The following TRMT11 variants were observed in gnomAD, a reference collection of about 807,000 sequenced individuals.
TRMT11 encodes tRNA (guanine(10)-N(2))-methyltransferase TRMT11.
TRMT11 carries 53 observed loss-of-function variants against 62.8 expected under a neutral mutation model. The ratio of observed to expected loss-of-function variants is 0.84; its 90% CI spans 0.68 to 1.06. The LOEUF is 1.06. Among genes scored for constraint, TRMT11 ranks in the 50% least tolerant of loss-of-function variants. The pLI is 0.00. For missense variants in TRMT11, 556 were observed against 553.4 expected (o/e 1.00, Z -0.05); for synonymous variants, 188 against 190.3 (o/e 0.99, Z 0.10).
intron 1 of TRMT11, among the ~76,000 whole-genome samples, chr6:126,197,062 C>A (rs1778675298): frequency 6.6e-6 from 1 of 152,160 alleles, no homozygotes; most frequent in African/African-American, 2.4e-5. Flanking sequence ...CTAAAGCATT[C>A]ATCTATCATC....
intron 21 of TRMT11, among the ~76,000 whole-genome samples, chr6:126,147,853 A>T (rs1777991297): frequency 6.6e-6 from 1 of 152,046 alleles, no homozygotes; most frequent in Non-Finnish European, 1.5e-5. Flanking sequence ...CAATGAGAAC[A>T]CATGGACACA....
chr6:126,171,153 T>G (rs143929379), intron 21 of TRMT11, among the ~76,000 whole-genome samples: 63 of 152,292 alleles, frequency 4.1e-4, no homozygotes, highest in Middle Eastern at 3.4e-3. Context: ...CCACCAGAAT[T>G]TATTCTGGGG....
downstream of TRMT11, among the ~76,000 whole-genome samples, chr6:126,202,861 T>C (rs1182946189): frequency 6.6e-6 from 1 of 152,214 alleles, no homozygotes; most frequent in Admixed American, 6.5e-5. Context: ...AAATTTAAAC[T>C]GTTCTCTGAC....
the TRMT11 span, among the ~76,000 whole-genome samples, chr6:126,254,107 T>TA: frequency 6.6e-6 from 1 of 152,216 alleles, no homozygotes; most frequent in Non-Finnish European, 1.5e-5. Flanking sequence ...TTACCACTGA[T>TA]ATCAGGGAAG....
chr6:126,185,918 G>A lies in TRMT11; in HGVS notation n.143+8583G>A, dbSNP rs574428943. ...GAACTCACTTACTAACATGAGAACAGCATGGGGAAACTGCCCCTATGATCC... is the reference window on the plus strand; with the variant it reads ...GAACTCACTTACTAACATGAGAACAACATGGGGAAACTGCCCCTATGATCC... On this transcript the variant is annotated intron_variant and non_coding_transcript_variant, in intron 1 of 3. Transcript: ENST00000444229. 2.1e-4 allele frequency among the ~76,000 whole-genome samples: 32 copies of A among 152,240 alleles called. No homozygotes were observed. The South Asian group carries it at 5.8e-3, about 28-fold the overall frequency.
chr6:126,071,344 C>T (rs1776848032), intron 17 of TRMT11, among the ~76,000 whole-genome samples: 1 of 151,628 alleles, frequency 6.6e-6, no homozygotes, highest in Non-Finnish European at 1.5e-5. Context: ...CATGTCCTGG[C>T]TTGAATTCTT....
At chr6:126,015,206 G>A (rs1794813247) in intron 11 of TRMT11, among the ~76,000 whole-genome samples, 2 of 151,672 alleles carry the variant, frequency 1.3e-5, no homozygotes, top group South Asian at 2.1e-4. Context: ...ACCTCCCCCC[G>A]ACTCCTGCAC....
intron 21 of TRMT11, among the ~76,000 whole-genome samples, chr6:126,151,850 CTTTCTTTCTTTCT>C (rs1165243669): frequency 1.5e-5 from 2 of 129,408 alleles, no homozygotes; most frequent in East Asian, 4.4e-4. Flanking sequence ...TTCTTTCTTT[CTTTCTTTCTTTCT>C]TTCCTTCTTT....
At chr6:126,182,615 G>A (rs1778480262) in intron 1 of TRMT11, among the ~76,000 whole-genome samples, 1 of 151,912 alleles carries the variant, frequency 6.6e-6, no homozygotes, top group Admixed American at 6.6e-5. Flanking sequence ...CCCTTTTCCA[G>A]GTGTTTAAGC....
chr6:126,179,979 GAA>G (rs1448768286), intron 1 of TRMT11, among the ~76,000 whole-genome samples: 7 of 151,772 alleles, frequency 4.6e-5, no homozygotes, highest in Admixed American at 2.0e-4. Context: ...TTCTATATAA[GAA>G]AGGAGAAAAA....
intron 17 of TRMT11, among the ~76,000 whole-genome samples, chr6:126,071,406 G>A (rs778626072): frequency 2.0e-5 from 3 of 149,856 alleles, no homozygotes; most frequent in Non-Finnish European, 4.4e-5. Context: ...GACATTTTTA[G>A]TAGATCTCCT....
chr6:126,127,393 G>A (rs966540006), intron 21 of TRMT11, among the ~76,000 whole-genome samples: 2 of 152,056 alleles, frequency 1.3e-5, no homozygotes, highest in African/African-American at 4.8e-5. Context: ...AAGGATTGAA[G>A]TTGACTCAAT....
At chr6:126,268,087 A>G in the TRMT11 span, among the ~76,000 whole-genome samples, 2 of 152,158 alleles carry the variant, frequency 1.3e-5, no homozygotes, top group African/African-American at 4.8e-5. Flanking sequence ...TTAGGTGTAA[A>G]TTATTTCAAG....
the TRMT11 span, among the ~76,000 whole-genome samples, chr6:126,242,070 A>C: frequency 3.3e-5 from 5 of 150,436 alleles, no homozygotes; most frequent in Admixed American, 3.3e-4. Flanking sequence ...TAAGTTGATA[A>C]GCAACTTCAG....
the TRMT11 span, among the ~76,000 whole-genome samples, chr6:126,225,234 C>G: frequency 6.6e-6 from 1 of 152,174 alleles, no homozygotes; most frequent in African/African-American, 2.4e-5. Flanking sequence ...CTTAACAATT[C>G]TCCAAGCAGC....
intron 17 of TRMT11, among the ~76,000 whole-genome samples, chr6:126,070,553 G>C (rs1277283851): frequency 6.6e-6 from 1 of 152,130 alleles, no homozygotes; most frequent in Non-Finnish European, 1.5e-5. Flanking sequence ...CCCGTTAGTG[G>C]GAGGGTTTTG....
In TRMT11 at chr6:126,092,155, C is replaced by T. The variant is rs182773992; in HGVS notation, c.*1438-20711C>T. On this transcript the variant is annotated intron_variant and NMD_transcript_variant, in intron 17 of 22. Coordinates refer to the TRMT11 transcript ENST00000648977. ...TAACTTCATTTGGTGTGTTTAATTA[C>T]GATGACTTATAGTGGTTGAATTCTC... Among the ~76,000 whole-genome samples, 20 of 152,242 alleles carry T rather than the reference C, an allele frequency of 1.3e-4. No individual in the cohort carries two copies. In the East Asian group the frequency reaches 2.3e-3, roughly 18 times the overall value.
At chr6:126,035,022 A>G (rs769042904) in intron 12 of TRMT11, among the ~76,000 whole-genome samples, 3 of 152,148 alleles carry the variant, frequency 2.0e-5, no homozygotes, top group Non-Finnish European at 2.9e-5. Context: ...CAAAGATAGG[A>G]TGAAAGAGAG....
At chr6:126,041,811 T>A (rs1028826753), downstream of TRMT11, among the ~76,000 whole-genome samples, 2 of 152,142 alleles carry the variant, frequency 1.3e-5, no homozygotes, top group African/African-American at 4.8e-5. Flanking sequence ...AATAAATTAT[T>A]CCAAAATAAG....
Sources: allele counts gnomAD v4.1 joint callset (sites outside exome capture counted in the v4.1 genomes callset), GRCh38; gene constraint gnomAD v4.1.1; transcripts MANE v1.5; gene names NCBI Gene and HGNC (gene_info 2026-07-23, HGNC 2026-07-21).